Variants in MSI2 observed in about 807,000 individuals in gnomAD.
MSI2 encodes the protein RNA-binding protein Musashi homolog 2.
A neutral mutation model predicts 45.6 loss-of-function variants in MSI2; 17 were observed. That is an observed-to-expected ratio of 0.37 (90% CI 0.26 to 0.56). The LOEUF (loss-of-function observed/expected upper bound fraction) is 0.56, where lower values mean the gene tolerates loss of function less well. Ranked by LOEUF, MSI2 falls within the 20% of genes least tolerant of loss-of-function variation. The pLI, the probability that MSI2 is intolerant of heterozygous loss-of-function variation, is 0.77. For synonymous variants in MSI2, 156 were observed against 158.2 expected, an observed-to-expected ratio of 0.99 and a Z score of 0.11; for missense variants, 293 against 444.2, an observed-to-expected ratio of 0.66 and a Z score of 3.06.
chr17:57,311,853 T>C (rs1304235375), intron 5 of MSI2, among the ~76,000 whole-genome samples: 1 of 152,146 alleles, frequency 6.6e-6, no homozygotes, highest in African/African-American at 2.4e-5. Context: ...CTGATTAATT[T>C]TGTTTGTTTT....
intron 5 of MSI2, among the ~76,000 whole-genome samples, chr17:57,326,812 A>G (rs1378597256): frequency 1.3e-5 from 2 of 152,192 alleles, no homozygotes; most frequent in Non-Finnish European, 2.9e-5. Flanking sequence ...GGAAGTGGAG[A>G]GGGAGATTTG....
chr17:57,502,636 T>TATATATATATATATATATAGAGAGAGAG, intron 6 of MSI2, among the ~76,000 whole-genome samples: 18 of 96,920 alleles, frequency 1.9e-4, no homozygotes, highest in Non-Finnish European at 3.4e-4. Context: ...TATATATATA[T>TATATATATATATATATATAGAGAGAGAG]AGTCATCATT....
intron 5 of MSI2, chr17:57,268,651 G>C: frequency 6.6e-6 from 1 of 151,992 alleles, no homozygotes; most frequent in Non-Finnish European, 1.5e-5. Context: ...GCCTGGCCAA[G>C]ATGGTGAAAC....
At chr17:57,514,593 T>C (rs1170280061) in intron 6 of MSI2, among the ~76,000 whole-genome samples, 7 of 151,514 alleles carry the variant, frequency 4.6e-5, no homozygotes, top group Admixed American at 3.9e-4. Context: ...AGTGTTGATG[T>C]AGAAATAAAT....
intron 7 of MSI2, among the ~76,000 whole-genome samples, chr17:57,530,147 A>C (rs1349484706): frequency 6.6e-6 from 1 of 152,192 alleles, no homozygotes; most frequent in Non-Finnish European, 1.5e-5. Context: ...ATCAAAATAA[A>C]ACATTGTAGG....
chr17:57,345,760 A>C (rs990077802), intron 5 of MSI2, among the ~76,000 whole-genome samples: 4 of 150,948 alleles, frequency 2.6e-5, no homozygotes, highest in African/African-American at 9.8e-5. Context: ...TGGAGGTTGC[A>C]GCGAGCCTAG....
intron 1 of MSI2, 122 bp downstream of exon 1, chr17:57,256,926 C>T (rs905158143): frequency 1.8e-6 from 1 of 567,800 alleles, no homozygotes; most frequent in South Asian, 2.6e-5. Flanking sequence ...GCGCCCCCCC[C>T]GTGGAAGTTA....
chr17:57,502,602 GATATATATAT>G (rs57142800), intron 6 of MSI2, among the ~76,000 whole-genome samples: 588 of 54,420 alleles, frequency 0.011, 51 homozygotes, highest in Non-Finnish European at 0.015. Flanking sequence ...ATGACTCTGA[GATATATATAT>G]ATATATATAT....
At chr17:57,588,463 G>A (rs759697718) in intron 7 of MSI2, among the ~76,000 whole-genome samples, 29 of 152,338 alleles carry the variant, frequency 1.9e-4, no homozygotes, top group South Asian at 8.3e-4. Flanking sequence ...AGGTACATCT[G>A]CGGTTGGGGG....
Position 57,633,124 on chromosome 17 carries a change from C to T in MSI2, c.727+5821C>T, listed in dbSNP as rs957860123. The T allele has an allele frequency of 2.6e-5, 27 of 1,026,152 alleles. No homozygotes were observed. The African/African-American group carries it at 4.4e-4, about 17-fold the overall frequency. The allele number at this position is 1,026,152 out of a possible 1,614,324, so 63.6% of individuals were successfully genotyped here. On this transcript the variant is annotated intron_variant, in intron 10 of 13. Coordinates refer to ENST00000284073, the MANE Select transcript of MSI2 (RefSeq NM_138962.4). Reference sequence around the variant, plus strand: ...GTTCATCTGTGCTTCTCCCTGATGACGTTTTATTTTTTTTCCCCTGTAAGC... The same window carrying T: ...GTTCATCTGTGCTTCTCCCTGATGATGTTTTATTTTTTTTCCCCTGTAAGC...
chr17:57,478,875 A>G (rs772354513), intron 6 of MSI2, among the ~76,000 whole-genome samples: 3 of 152,192 alleles, frequency 2.0e-5, no homozygotes, highest in Non-Finnish European at 2.9e-5. Context: ...GAGAGTCGCT[A>G]CTTTGTCTCT....
chr17:57,623,284 T>G (rs1368257434), intron 9 of MSI2, among the ~76,000 whole-genome samples: 1 of 152,138 alleles, frequency 6.6e-6, no homozygotes. Context: ...TAAACAGCCC[T>G]GTCTCTTGTC....
intron 5 of MSI2, among the ~76,000 whole-genome samples, chr17:57,351,119 T>C (rs1181342692): frequency 2.0e-5 from 3 of 152,104 alleles, no homozygotes; most frequent in African/African-American, 7.2e-5. Context: ...TCTTCCCACC[T>C]TCTCTTGATA....
At chr17:57,699,783 A>AC in the MSI2 span, among the ~76,000 whole-genome samples, 1 of 152,054 alleles carries the variant, frequency 6.6e-6, no homozygotes, top group Non-Finnish European at 1.5e-5. Context: ...GCCAAGGAGC[A>AC]CCCCCCACGG....
chr17:57,328,345 T>G (rs1040206652), intron 5 of MSI2, among the ~76,000 whole-genome samples: 2 of 144,282 alleles, frequency 1.4e-5, no homozygotes, highest in African/African-American at 5.5e-5. Flanking sequence ...ATCCATCCAT[T>G]CATCCATCCT....
chr17:57,310,120 C>T (rs747037401), intron 5 of MSI2, among the ~76,000 whole-genome samples: 11 of 152,204 alleles, frequency 7.2e-5, no homozygotes, highest in African/African-American at 2.7e-4. Flanking sequence ...TCCCTCTTTC[C>T]GGCCCAGCAG....
chr17:57,603,796 GT>G (rs1271853314), intron 8 of MSI2, among the ~76,000 whole-genome samples: 7 of 152,280 alleles, frequency 4.6e-5, no homozygotes, highest in Non-Finnish European at 7.3e-5. Flanking sequence ...GCTGGCCACA[GT>G]TTGTTGACTC....
intron 5 of MSI2, among the ~76,000 whole-genome samples, chr17:57,314,152 G>A (rs760724971): frequency 6.6e-6 from 1 of 152,098 alleles, no homozygotes; most frequent in Non-Finnish European, 1.5e-5. Flanking sequence ...CCATCCCTTT[G>A]TATGAGTGCA....
intron 7 of MSI2, among the ~76,000 whole-genome samples, chr17:57,555,077 G>A (rs773257593): frequency 6.6e-6 from 1 of 152,190 alleles, no homozygotes; most frequent in East Asian, 1.9e-4. Flanking sequence ...GAGGAGGCAG[G>A]GCTGCTAGGC....
Sources: gnomAD v4.1 joint callset for allele counts (sites outside exome capture counted in the v4.1 genomes callset) on GRCh38, gnomAD v4.1.1 for gene constraint, MANE v1.5 for transcripts, NCBI Gene and HGNC (gene_info 2026-07-23, HGNC 2026-07-21) for gene names.